LIN28B: variants seen among roughly 807,000 people sequenced by gnomAD.
The protein encoded by LIN28B is protein lin-28 homolog B.
A neutral mutation model predicts 21.9 loss-of-function variants in LIN28B; 5 were observed. That is an observed-to-expected ratio of 0.23 (90% CI 0.12 to 0.48). The LOEUF is 0.48. Among genes scored for constraint, LIN28B ranks in the 20% least tolerant of loss-of-function variants. LIN28B has a pLI of 0.98. For missense variants in LIN28B, 245 were observed against 310.5 expected, an observed-to-expected ratio of 0.79 and a Z score of 1.58; for synonymous variants, 109 against 111.3, an observed-to-expected ratio of 0.98 and a Z score of 0.13.
rs1297203068 is a variant in LIN28B, at chr6:104,994,401, T to G, written c.199-31897T>G. ...AGAATTAGCAAATCAGTTATTTAAC[T>G]TATCCATTCAATTTTGTTTTCTGCC... On this transcript the variant is annotated intron_variant, in intron 2 of 3. Coordinates refer to ENST00000345080, the MANE Select transcript of LIN28B (RefSeq NM_001004317.4). Among the ~76,000 whole-genome samples the G allele has an allele frequency of 3.9e-5, 6 of 152,376 alleles. No homozygotes were observed. In the East Asian group the frequency reaches 1.2e-3, roughly 29 times the overall value.
intron 2 of LIN28B, among the ~76,000 whole-genome samples, chr6:104,969,145 T>A (rs556412531): frequency 6.6e-6 from 1 of 152,200 alleles, no homozygotes; most frequent in Non-Finnish European, 1.5e-5. Context: ...CTTTCAGGGG[T>A]TGATTAAACT....
chr6:105,067,777 C>T (rs1345955839), intron 3 of LIN28B, among the ~76,000 whole-genome samples: 1 of 152,092 alleles, frequency 6.6e-6, no homozygotes, highest in East Asian at 1.9e-4. Context: ...ACAGAATCTA[C>T]CAAGTACTTT....
intron 2 of LIN28B, among the ~76,000 whole-genome samples, chr6:104,944,208 A>G (rs919558676): frequency 2.0e-5 from 3 of 152,152 alleles, no homozygotes; most frequent in African/African-American, 7.2e-5. Context: ...GAAGTATATT[A>G]ATTTACTGTG....
intron 3 of LIN28B, among the ~76,000 whole-genome samples, chr6:105,035,114 A>G (rs1771499091): frequency 6.6e-6 from 1 of 151,924 alleles, no homozygotes; most frequent in African/African-American, 2.4e-5. Context: ...TGAAATCTCC[A>G]TAGCATTCCT....
chr6:104,991,756 A>G (rs1310610301), intron 2 of LIN28B, among the ~76,000 whole-genome samples: 1 of 152,220 alleles, frequency 6.6e-6, no homozygotes, highest in Non-Finnish European at 1.5e-5. Context: ...TCCGTCTGCA[A>G]TCCCGGCACC....
In LIN28B at chr6:104,957,130, C is replaced by A; in HGVS notation, c.-121C>A. 2 of 1,608,384 alleles carry A rather than the reference C, an allele frequency of 1.2e-6. No individual in the cohort carries two copies. The highest frequency in any genetic ancestry group is 1.7e-6 in the Non-Finnish European group (2 of 1,177,184). On this transcript the variant is annotated 5_prime_UTR_variant, in exon 1 of 4. Coordinates refer to ENST00000345080, the MANE Select transcript of LIN28B (RefSeq NM_001004317.4). ...ATCAAAAGAAGGAAAGCACATTAGACCATGCGAGCTAAATTTGTGATCGCA... is the reference window on the plus strand; with the variant it reads ...ATCAAAAGAAGGAAAGCACATTAGAACATGCGAGCTAAATTTGTGATCGCA...
chr6:105,011,732 C>G (rs1770927640), intron 2 of LIN28B, among the ~76,000 whole-genome samples: 1 of 152,064 alleles, frequency 6.6e-6, no homozygotes, highest in Non-Finnish European at 1.5e-5. Flanking sequence ...CGCCTGTGAT[C>G]CCAGCTGCAG....
chr6:105,003,652 A>G (rs1420388333), intron 2 of LIN28B, among the ~76,000 whole-genome samples: 1 of 151,998 alleles, frequency 6.6e-6, no homozygotes, highest in Non-Finnish European at 1.5e-5. Flanking sequence ...AGCTGGGACT[A>G]CAGGGGTGCG....
At chr6:104,970,220 C>A (rs1014044518) in intron 2 of LIN28B, among the ~76,000 whole-genome samples, 1 of 152,130 alleles carries the variant, frequency 6.6e-6, no homozygotes, top group Non-Finnish European at 1.5e-5. Flanking sequence ...GCAGTCTTCG[C>A]ATTTTTGATG....
chr6:104,965,531 A>T (rs1422969858), intron 2 of LIN28B, among the ~76,000 whole-genome samples: 1 of 151,948 alleles, frequency 6.6e-6, no homozygotes, highest in Non-Finnish European at 1.5e-5. Flanking sequence ...TAAAATTATT[A>T]TTTTTTTTGA....
At chr6:105,042,215 T>C (rs1012308025) in intron 3 of LIN28B, among the ~76,000 whole-genome samples, 2 of 152,112 alleles carry the variant, frequency 1.3e-5, no homozygotes, top group Admixed American at 6.5e-5. Context: ...AGACACTGAA[T>C]TGGGGGAAGG....
chr6:105,044,638 TC>T (rs1771708700), intron 3 of LIN28B, among the ~76,000 whole-genome samples: 1 of 152,204 alleles, frequency 6.6e-6, no homozygotes, highest in Non-Finnish European at 1.5e-5. Flanking sequence ...TATGGCTTGA[TC>T]TAATTTTTTT....
At chr6:105,037,562 C>T (rs1771546337) in intron 3 of LIN28B, among the ~76,000 whole-genome samples, 1 of 147,230 alleles carries the variant, frequency 6.8e-6, no homozygotes, top group Non-Finnish European at 1.5e-5. Context: ...ACCCAGGCTG[C>T]AGTGCAGTGG....
intron 3 of LIN28B, among the ~76,000 whole-genome samples, chr6:105,029,554 C>T (rs1157390978): frequency 3.3e-5 from 5 of 151,736 alleles, no homozygotes; most frequent in African/African-American, 1.2e-4. Context: ...ATTTGAAGCA[C>T]GGTCATCAAC....
At chr6:105,033,602 A>AT (rs1378539850) in intron 3 of LIN28B, among the ~76,000 whole-genome samples, 10 of 152,032 alleles carry the variant, frequency 6.6e-5, no homozygotes, top group African/African-American at 2.4e-4. Context: ...AACATTTCAA[A>AT]CGAAATAATT....
At chr6:104,992,413 A>G (rs553949860) in intron 2 of LIN28B, among the ~76,000 whole-genome samples, 12 of 150,472 alleles carry the variant, frequency 8.0e-5, no homozygotes, top group South Asian at 2.1e-4. Flanking sequence ...CAACCTTGCT[A>G]TTTGTTTTCA....
intron 3 of LIN28B, among the ~76,000 whole-genome samples, chr6:105,050,365 G>A (rs1370287118): frequency 1.3e-5 from 2 of 151,990 alleles, no homozygotes; most frequent in East Asian, 3.9e-4. Flanking sequence ...CACTTTGGGA[G>A]GCCGAGGCGG....
rs558306318 is a variant in LIN28B, at chr6:105,035,755, G to A, written c.383+9273G>A. Among the ~76,000 whole-genome samples the A allele has an allele frequency of 6.6e-5, 10 of 152,224 alleles. No individual in the cohort carries two copies. In the South Asian group the frequency reaches 1.9e-3, roughly 28 times the overall value. On this transcript the variant is annotated intron_variant, in intron 3 of 3. Transcript: ENST00000345080. ...GCTTACCCTCAAAATATCAGGAAAT[G>A]TAAAAATAGTTTGTCACAATATCAA...
intron 3 of LIN28B, among the ~76,000 whole-genome samples, chr6:105,056,976 C>T (rs763588610): frequency 1.3e-4 from 20 of 152,128 alleles, no homozygotes; most frequent in Admixed American, 2.6e-4. Flanking sequence ...TAAACAGTTG[C>T]GTCTTATATC....
Sources: gnomAD v4.1 joint callset for allele counts (sites outside exome capture counted in the v4.1 genomes callset) on GRCh38, gnomAD v4.1.1 for gene constraint, MANE v1.5 for transcripts, NCBI Gene and HGNC (gene_info 2026-07-23, HGNC 2026-07-21) for gene names.